The following DOCK9 variants were observed in gnomAD, a reference collection of about 807,000 sequenced individuals.
The protein encoded by DOCK9 is dedicator of cytokinesis 9, also known as dedicator of cytokinesis protein 9.
In DOCK9, 89 loss-of-function variants were observed where a neutral mutation model predicts 263.3. The ratio of observed to expected loss-of-function variants is 0.34; its 90% CI spans 0.28 to 0.40. The LOEUF is 0.40. Ranked by LOEUF, DOCK9 falls within the 10% of genes least tolerant of loss-of-function variation. The pLI is 1.00. For missense variants in DOCK9, 2,140 were observed against 2,603.4 expected, an observed-to-expected ratio of 0.82 and a Z score of 3.87; for synonymous variants, 976 against 973.1, an observed-to-expected ratio of 1.00 and a Z score of -0.06.
At chr13:98,819,076 T>C (rs1305674293) in intron 45 of DOCK9, among the ~76,000 whole-genome samples, 3 of 152,210 alleles carry the variant, frequency 2.0e-5, no homozygotes, top group African/African-American at 4.8e-5. Context: ...ATTTCTACTA[T>C]ATCATCATTT....
At chr13:98,859,300 G>A (rs1391928112) in intron 33 of DOCK9, 1 of 152,190 alleles carries the variant, frequency 6.6e-6, no homozygotes, top group Non-Finnish European at 1.5e-5. Flanking sequence ...AGGCTCTGTT[G>A]CAAGCATTTT....
intron 1 of DOCK9, among the ~76,000 whole-genome samples, chr13:99,028,443 T>G (rs11618541): frequency 0.24 from 36,236 of 151,492 alleles, 4,377 homozygotes; most frequent in Middle Eastern, 0.31. Context: ...ACCTAATCAG[T>G]TGAAGTCCTG....
intron 1 of DOCK9, among the ~76,000 whole-genome samples, chr13:98,971,112 T>A (rs1331958676): frequency 6.6e-6 from 1 of 152,182 alleles, no homozygotes; most frequent in African/African-American, 2.4e-5. Flanking sequence ...CCTTAGAGAT[T>A]ATGTACGACA....
intron 1 of DOCK9, chr13:99,015,830 A>C: frequency 1.6e-6 from 2 of 1,236,102 alleles, no homozygotes; most frequent in Non-Finnish European, 2.0e-6. Context: ...GGGGTGGTGC[A>C]AACACAAGAT....
intron 5 of DOCK9, 148 bp from the exon 6 acceptor site, chr13:98,922,294 A>G (rs1372114009): frequency 1.3e-5 from 7 of 556,258 alleles, no homozygotes; most frequent in Non-Finnish European, 2.3e-5. Context: ...AATGCCTACA[A>G]GTCACATAAA....
chr13:99,052,574 A>T (rs1223221133), intron 1 of DOCK9, among the ~76,000 whole-genome samples: 1 of 152,100 alleles, frequency 6.6e-6, no homozygotes, highest in Non-Finnish European at 1.5e-5. Context: ...CTTTTGAAAA[A>T]TGGCTATTGC....
chr13:99,086,890 C>T (rs1056284089), upstream of DOCK9, among the ~76,000 whole-genome samples: 1 of 151,782 alleles, frequency 6.6e-6, no homozygotes, highest in African/African-American at 2.4e-5. Flanking sequence ...GCCGCACGTC[C>T]GAAGACCGGA....
At chr13:99,079,013 T>C (rs2142450835) in intron 1 of DOCK9, among the ~76,000 whole-genome samples, 1 of 152,354 alleles carries the variant, frequency 6.6e-6, no homozygotes, top group East Asian at 1.9e-4. Context: ...AACGAATGTA[T>C]ATAAGAGATT....
Position 98,902,018 on chromosome 13 carries a change from C to G in DOCK9, c.1381-118G>C, listed in dbSNP as rs1039978270. 7.8e-6 allele frequency: 10 copies of G among 1,275,530 alleles called. No individual in the cohort carries two copies. The African/African-American group carries it at 1.5e-4, about 19-fold the overall frequency. The allele number at this position is 1,275,530 out of a possible 1,614,324, so 79.0% of individuals were successfully genotyped here. On this transcript the variant is annotated intron_variant, in intron 12 of 52. Transcript: ENST00000682017. ...GACAACTAGTAAAAAGCACCCAGTG[C>G]CAAACTAGTTAGCTGACAAACAGTT...
chr13:98,996,362 C>T (rs1183133325), intron 1 of DOCK9, among the ~76,000 whole-genome samples: 2 of 152,204 alleles, frequency 1.3e-5, no homozygotes, highest in East Asian at 3.8e-4. Context: ...CCGAGTAGTA[C>T]TAACAGCAAT....
intron 34 of DOCK9, chr13:98,854,634 G>A (rs1594703816): frequency 6.6e-6 from 1 of 152,072 alleles, no homozygotes; most frequent in Non-Finnish European, 1.5e-5. Context: ...CATTAGAAGG[G>A]AAAAATCCAC....
chr13:98,880,213 C>CA (rs2044520399), intron 26 of DOCK9, among the ~76,000 whole-genome samples: 1 of 152,054 alleles, frequency 6.6e-6, no homozygotes, highest in Admixed American at 6.6e-5. Flanking sequence ...GTGGCACAAC[C>CA]AGCACGAGGC....
Position 98,879,898 on chromosome 13 carries a change from C to T in DOCK9, c.2943G>A (p.Lys981=). 5 of 1,604,806 alleles carry T rather than the reference C, an allele frequency of 3.1e-6. No individual in the cohort carries two copies. The highest frequency in any genetic ancestry group is 3.4e-6 in the Non-Finnish European group (4 of 1,177,456). The change falls in exon 27 of 53, where the codon AAG becomes AAA. Residue 981 remains lysine, a splice_region_variant and synonymous_variant. Transcript: ENST00000682017. ...AQHLIENSKV[K]LLRNQRFPAS... ...CAAGCTTCCACTTGAAGTAACATAC[C>T]TTAACTTTGGAGTTCTCTATCAAAT... is the stretch of plus-strand genomic sequence containing the variant.
intron 1 of DOCK9, among the ~76,000 whole-genome samples, chr13:99,048,027 G>C (rs904400705): frequency 6.6e-6 from 1 of 152,124 alleles, no homozygotes; most frequent in Non-Finnish European, 1.5e-5. Context: ...CTCCAGTTTG[G>C]GGGCAGCACC....
intron 3 of DOCK9, among the ~76,000 whole-genome samples, chr13:98,926,453 C>G (rs543343871): frequency 6.6e-6 from 1 of 152,212 alleles, no homozygotes; most frequent in East Asian, 1.9e-4. Context: ...ATATTAGCAC[C>G]ATGACATTTT....
rs1378223330 is a variant in DOCK9, at chr13:98,829,731, A to G, written c.4661T>C (p.Ile1554Thr). The G allele has an allele frequency of 1.2e-6, 2 of 1,608,994 alleles. No homozygotes were observed. Among genetic ancestry groups the G allele is most frequent in the Middle Eastern group, 1.7e-4 (1 of 6,058 alleles). ...LQVIISVSQL[I>T]ADVVGIGGTR... ...TCCCCCAATGCCAACAACGTCTGCT[A>G]TCAGCTGGCTGACAGATATGATGAC... Residue 1554 changes from isoleucine to threonine, a missense_variant, in exon 42 of 53, where the codon ATA becomes ACA. Ile to Thr is a moderately conservative substitution (Grantham distance 89). Transcript: ENST00000682017. This position sits in a 1 kb window ranked among gnomAD's most constrained non-coding sequence, Gnocchi z 4.1.
chr13:98,882,115 G>A, intron 23 of DOCK9, 108 bp from the exon 24 acceptor site: 1 of 918,380 alleles, frequency 1.1e-6, no homozygotes, highest in Non-Finnish European at 1.7e-6. Context: ...CTAAAACAAA[G>A]GGAAGGCTGT....
intron 29 of DOCK9, 80 bp downstream of exon 29, chr13:98,867,845 TAAA>T: frequency 6.9e-6 from 7 of 1,008,984 alleles, no homozygotes; most frequent in East Asian, 3.2e-5. Flanking sequence ...GGCAGAGCTT[TAAA>T]AAAAAAAAAG....
chr13:98,950,541 A>G (rs942092445), intron 2 of DOCK9: 3 of 344,144 alleles, frequency 8.7e-6, no homozygotes, highest in Non-Finnish European at 1.6e-5. Context: ...AGGCTTAAGC[A>G]ATCCTCCCAC....
Sources: allele counts gnomAD v4.1 joint callset (sites outside exome capture counted in the v4.1 genomes callset), GRCh38; gene constraint gnomAD v4.1.1; non-coding constraint Gnocchi (gnomAD v3.1); transcripts MANE v1.5; gene names NCBI Gene and HGNC (gene_info 2026-07-23, HGNC 2026-07-21).